FOXK1: variants seen among roughly 807,000 people sequenced by gnomAD.
FOXK1 encodes the protein forkhead box protein K1.
Under a neutral mutation model 51.9 loss-of-function variants are expected in FOXK1, and 19 were observed. That is an observed-to-expected ratio of 0.37 (90% CI 0.26 to 0.54). The LOEUF is 0.54. Ranked by LOEUF, FOXK1 falls within the 20% of genes least tolerant of loss-of-function variation. The pLI, the probability that FOXK1 is intolerant of heterozygous loss-of-function variation, is 0.87. For synonymous variants in FOXK1, 537 were observed against 482.6 expected (o/e 1.11, Z -1.48); for missense variants, 870 against 1,032.7 (o/e 0.84, Z 2.16).
intron 1 of FOXK1, among the ~76,000 whole-genome samples, chr7:4,704,450 C>CAAAAAAAAAAAA (rs3050383): frequency 3.0e-5 from 2 of 66,462 alleles, no homozygotes; most frequent in African/African-American, 5.2e-5. Context: ...GACTCTGTCT[C>CAAAAAAAAAAAA]AAAAAAAAAA....
At position 4,723,298 on chromosome 7, in the gene FOXK1, GT is replaced by G. The variant is rs1780338871; in HGVS notation, c.561-17539del. ...GATGTGGCTGCTGCCCGACTCCAGA[GT>G]GACAAATATAGCAAAAGAGCTTGTT... is the stretch of plus-strand genomic sequence containing the variant. On this transcript the variant is annotated intron_variant, in intron 1 of 8. Coordinates refer to ENST00000328914, the MANE Select transcript of FOXK1 (RefSeq NM_001037165.2). The surrounding 1 kb of genome is among the most constrained non-coding windows in gnomAD (Gnocchi z 4.7). Among the ~76,000 whole-genome samples, 1 of 152,054 alleles carries G rather than the reference GT, an allele frequency of 6.6e-6. No homozygotes were observed. The highest frequency in any genetic ancestry group is 2.1e-4 in the South Asian group (1 of 4,798).
At chr7:4,699,842 A>G (rs1309154622) in intron 1 of FOXK1, among the ~76,000 whole-genome samples, 1 of 152,196 alleles carries the variant, frequency 6.6e-6, no homozygotes, top group African/African-American at 2.4e-5. Context: ...TTTTTAATTC[A>G]TGTGCTTGCG....
chr7:4,707,739 C>T lies in FOXK1; in HGVS notation c.560+24871C>T, dbSNP rs1243989043. Among the ~76,000 whole-genome samples the T allele has an allele frequency of 6.6e-6, 1 of 151,476 alleles. No individual in the cohort carries two copies. The highest frequency in any genetic ancestry group is 1.5e-5 in the Non-Finnish European group (1 of 67,952). ...TCTCTCCGTTGCCCAGGCTGGAGTG[C>T]AGTGGCACGATCGTGGCTCTCTGCA... On this transcript the variant is annotated intron_variant, in intron 1 of 8. Coordinates refer to ENST00000328914, the MANE Select transcript of FOXK1 (RefSeq NM_001037165.2). This position sits in a 1 kb window ranked among gnomAD's most constrained non-coding sequence, Gnocchi z 4.1.
rs1246712735 is a variant in FOXK1, at chr7:4,730,080, G to C, written c.561-10758G>C. 3.9e-5 allele frequency among the ~76,000 whole-genome samples: 6 copies of C among 152,228 alleles called. No homozygotes were observed. The highest frequency in any genetic ancestry group is 1.4e-4 in the African/African-American group (6 of 41,478). ...TTTTTCACCGCGTGTCACCGACTCA[G>C]CATATGGGCTTGAGTATCTCGCTGT... On this transcript the variant is annotated intron_variant, in intron 1 of 8. Transcript: ENST00000328914. The surrounding 1 kb of genome is among the most constrained non-coding windows in gnomAD (Gnocchi z 4.7).
In FOXK1 at chr7:4,749,294, T is replaced by A. The variant is rs1193132322; in HGVS notation, c.747-5165T>A. Among the ~76,000 whole-genome samples the A allele has an allele frequency of 6.6e-6, 1 of 152,198 alleles. No individual in the cohort carries two copies. The highest frequency in any genetic ancestry group is 1.5e-5 in the Non-Finnish European group (1 of 68,038). On this transcript the variant is annotated intron_variant, in intron 2 of 8. Transcript: ENST00000328914. This position sits in a 1 kb window ranked among gnomAD's most constrained non-coding sequence, Gnocchi z 6.0. The stretch of plus-strand genomic sequence containing the variant: ...TCCCGTAGGCTTCCCTGGGTCCCTC[T>A]TCTCTTCTGTTTTGCACCATGTTCC...
At chr7:4,726,537 G>T (rs1780383127) in intron 1 of FOXK1, among the ~76,000 whole-genome samples, 1 of 152,008 alleles carries the variant, frequency 6.6e-6, no homozygotes, top group Non-Finnish European at 1.5e-5. Flanking sequence ...CAGGAGAATC[G>T]CTTGAACCCG....
rs1011062197 is a variant in FOXK1 at position 4,764,828 on chromosome 7, TCA to T, written c.*2367_*2368del. On this transcript the variant is annotated 3_prime_UTR_variant, in exon 9 of 9. Transcript: ENST00000328914. ...GTGCTGGGATTGCACCACGTGTTGG[TCA>T]CAAATCGAGGTCGCCTTTTGGCCTG... 3 of 152,358 alleles carry T rather than the reference TCA, an allele frequency of 2.0e-5. No homozygotes were observed. The highest frequency in any genetic ancestry group is 7.2e-5 in the African/African-American group (3 of 41,460). 9.4% of individuals were successfully genotyped at this position (152,358 alleles called of 1,614,324 possible). A position where few individuals can be genotyped will look rare whatever the true frequency, so the allele number is the denominator to read the frequency against.
chr7:4,694,283 A>G (rs1364440005), intron 1 of FOXK1, among the ~76,000 whole-genome samples: 2 of 152,140 alleles, frequency 1.3e-5, no homozygotes, highest in Non-Finnish European at 2.9e-5. Flanking sequence ...TGGAACATTT[A>G]CATCAAAATA....
chr7:4,745,672 G>C lies in FOXK1; in HGVS notation c.746+4649G>C, dbSNP rs1780694050. Among the ~76,000 whole-genome samples, 1 of 152,172 alleles carries C rather than the reference G, an allele frequency of 6.6e-6. No individual in the cohort carries two copies. Among genetic ancestry groups the C allele is most frequent in the African/African-American group, 2.4e-5 (1 of 41,438 alleles). ...TAATCCCAGCACTTTGGGAGGCTGA[G>C]GCAGGCGGATCACCTGAGGTCAGGA... is the stretch of plus-strand genomic sequence containing the variant. On this transcript the variant is annotated intron_variant, in intron 2 of 8. Coordinates refer to ENST00000328914, the MANE Select transcript of FOXK1 (RefSeq NM_001037165.2). The surrounding 1 kb of genome is among the most constrained non-coding windows in gnomAD (Gnocchi z 4.3).
rs1021056579 is a variant in FOXK1 at position 4,747,237 on chromosome 7, C to G, written c.746+6214C>G. 6.6e-6 allele frequency among the ~76,000 whole-genome samples: 1 copy of G among 152,088 alleles called. No homozygotes were observed. Among genetic ancestry groups the G allele is most frequent in the African/African-American group, 2.4e-5 (1 of 41,426 alleles). On this transcript the variant is annotated intron_variant, in intron 2 of 8. Transcript: ENST00000328914. This position sits in a 1 kb window ranked among gnomAD's most constrained non-coding sequence, Gnocchi z 9.2. Reference sequence around the variant, plus strand: ...GTAGGCCTGTTGCATGGCTTCTGTGCGGGCATGTTACGCACGAGGACAGCC... The same window carrying G: ...GTAGGCCTGTTGCATGGCTTCTGTGGGGGCATGTTACGCACGAGGACAGCC...
At chr7:4,739,316 A>G (rs1378669146) in intron 1 of FOXK1, among the ~76,000 whole-genome samples, 1 of 152,104 alleles carries the variant, frequency 6.6e-6, no homozygotes, top group African/African-American at 2.4e-5. Context: ...CCCTCCTACA[A>G]TTTTAAACAA....
At chr7:4,687,774 A>C (rs1233531464) in intron 1 of FOXK1, among the ~76,000 whole-genome samples, 1 of 152,178 alleles carries the variant, frequency 6.6e-6, no homozygotes, top group Non-Finnish European at 1.5e-5. Context: ...GAATAATTAC[A>C]ATGAGAACAA....
intron 1 of FOXK1, among the ~76,000 whole-genome samples, chr7:4,686,243 CTA>C (rs1779816003): frequency 6.6e-6 from 1 of 152,090 alleles, no homozygotes; most frequent in Non-Finnish European, 1.5e-5. Context: ...GGTGGGAGGT[CTA>C]TGTTGTGTTG....
In FOXK1 at chr7:4,703,788, A is replaced by G. The variant is rs1245926784; in HGVS notation, c.560+20920A>G. ...CGTGACTAGATAAAAGTAGGTGAAA[A>G]GGGAATCGCAGCCTGCCGAGAGCTT... On this transcript the variant is annotated intron_variant, in intron 1 of 8. Coordinates refer to ENST00000328914, the MANE Select transcript of FOXK1 (RefSeq NM_001037165.2). The surrounding 1 kb of genome is among the most constrained non-coding windows in gnomAD (Gnocchi z 5.6). Among the ~76,000 whole-genome samples, 4 of 152,146 alleles carry G rather than the reference A, an allele frequency of 2.6e-5. No homozygotes were observed. The highest frequency in any genetic ancestry group is 5.9e-5 in the Non-Finnish European group (4 of 68,032).
chr7:4,704,093 T>TATGTACAC (rs1326514067), intron 1 of FOXK1, among the ~76,000 whole-genome samples: 1 of 152,228 alleles, frequency 6.6e-6, no homozygotes, highest in Admixed American at 6.5e-5. Flanking sequence ...CGAAAGGGTC[T>TATGTACAC]ACCAAGGGTA....
At chr7:4,693,004 A>G (rs191655879) in intron 1 of FOXK1, among the ~76,000 whole-genome samples, 55 of 152,230 alleles carry the variant, frequency 3.6e-4, no homozygotes, top group African/African-American at 1.3e-3. Flanking sequence ...TCCTTAAGTC[A>G]TCCTCTGCTA....
At chr7:4,720,279 T>C (rs1780292177) in intron 1 of FOXK1, among the ~76,000 whole-genome samples, 1 of 151,722 alleles carries the variant, frequency 6.6e-6, no homozygotes, top group Non-Finnish European at 1.5e-5. Context: ...CTTTGAGGGT[T>C]TTTTGCCTCA....
chr7:4,755,444 G>A lies in FOXK1; in HGVS notation c.1050+61G>A. 1.3e-6 allele frequency: 2 copies of A among 1,586,306 alleles called. No individual in the cohort carries two copies. The highest frequency in any genetic ancestry group is 1.7e-6 in the Non-Finnish European group (2 of 1,163,390). ...AGGCCCTTAGAACATGGAACTCACA[G>A]GCATATTGCTTCCCTTAAAACAGAA... On this transcript the variant is annotated intron_variant, in intron 4 of 8. Coordinates refer to ENST00000328914, the MANE Select transcript of FOXK1 (RefSeq NM_001037165.2). The surrounding 1 kb of genome is among the most constrained non-coding windows in gnomAD (Gnocchi z 6.6).
At position 4,748,909 on chromosome 7, in the gene FOXK1, G is replaced by T. The variant is rs1005035979; in HGVS notation, c.747-5550G>T. ...GCCCAGGCTGGTCTTGAACTCCTGT[G>T]CTCAAGTTATCTGCCCACCTCAGCC... is the stretch of plus-strand genomic sequence containing the variant. On this transcript the variant is annotated intron_variant, in intron 2 of 8. Coordinates refer to ENST00000328914, the MANE Select transcript of FOXK1 (RefSeq NM_001037165.2). This position sits in a 1 kb window ranked among gnomAD's most constrained non-coding sequence, Gnocchi z 4.9. Among the ~76,000 whole-genome samples the T allele has an allele frequency of 6.6e-6, 1 of 152,082 alleles. No individual in the cohort carries two copies. The highest frequency in any genetic ancestry group is 2.4e-5 in the African/African-American group (1 of 41,416).
Sources: gnomAD v4.1 joint callset for allele counts (sites outside exome capture counted in the v4.1 genomes callset) on GRCh38, gnomAD v4.1.1 for gene constraint, Gnocchi (gnomAD v3.1) non-coding constraint, MANE v1.5 for transcripts, NCBI Gene and HGNC (gene_info 2026-07-23, HGNC 2026-07-21) for gene names.